The following FANCA variants were observed in gnomAD, a reference collection of about 807,000 sequenced individuals.
FANCA encodes the protein Fanconi anemia group A protein.
In FANCA, 236 loss-of-function variants were observed where a neutral mutation model predicts 194.3. That is an observed-to-expected ratio of 1.21 (90% CI 1.09 to 1.35). The LOEUF is 1.35. FANCA is among the 40% of genes most tolerant of loss of function. The probability of loss-of-function intolerance (pLI) is 0.00; values close to 1 mark genes in which losing one functional copy is unlikely to be tolerated. For synonymous variants in FANCA, 1,014 were observed against 715.8 expected (o/e 1.42, Z -6.65); for missense variants, 2,628 against 1,813.9 (o/e 1.45, Z -8.15).
At position 89,738,952 on chromosome 16, in the gene FANCA, G is replaced by C. The variant is rs1235758124; in HGVS notation, c.4190C>G (p.Thr1397Arg). ...KGQGNPVELI[T>R]KARLFLLQLI... ...CTGCAGCAGAAAAAGACGAGCTTTT[G>C]TTATCAGTTCCACGGGGTTGCCCTA... Residue 1397 changes from threonine to arginine, a missense_variant, in exon 42 of 43, where the codon ACA (threonine) becomes AGA (arginine). Coordinates refer to ENST00000389301, the MANE Select transcript of FANCA (RefSeq NM_000135.4). The C allele has an allele frequency of 8.1e-6, 13 of 1,614,260 alleles. No homozygotes were observed. Among genetic ancestry groups the C allele is most frequent in the Non-Finnish European group, 1.0e-5 (12 of 1,180,042 alleles).
chr16:89,797,834 G>A (rs2040300134), intron 10 of FANCA, among the ~76,000 whole-genome samples: 1 of 152,116 alleles, frequency 6.6e-6, no homozygotes, highest in South Asian at 2.1e-4. Context: ...GGCAGAGGTT[G>A]CAGTGAGCAG....
At chr16:89,784,805 C>T (rs1226587370) in intron 15 of FANCA, 49 bp downstream of exon 15, 1 of 1,417,818 alleles carries the variant, frequency 7.1e-7, no homozygotes, top group Non-Finnish European at 1.0e-6. Flanking sequence ...TCAGATGCAG[C>T]AGGTGAGCGA....
intron 30 of FANCA, among the ~76,000 whole-genome samples, chr16:89,754,681 A>C (rs1027032174): frequency 6.6e-6 from 1 of 152,044 alleles, no homozygotes; most frequent in African/African-American, 2.4e-5. Context: ...ACACGATCTT[A>C]TATATACAAA....
chr16:89,764,812 G>A (rs1397992268), intron 28 of FANCA, 78 bp downstream of exon 28: 2 of 1,504,138 alleles, frequency 1.3e-6, no homozygotes, highest in East Asian at 4.6e-5. Context: ...CCTACGTGCT[G>A]CTGTTCTTGC....
intron 31 of FANCA, among the ~76,000 whole-genome samples, chr16:89,750,380 G>A (rs1041768198): frequency 2.6e-5 from 4 of 152,136 alleles, no homozygotes; most frequent in African/African-American, 7.2e-5. Flanking sequence ...CGACTCAGGC[G>A]GCTGAGGCAG....
chr16:89,787,448 G>A (rs565972688), intron 14 of FANCA, among the ~76,000 whole-genome samples: 1 of 152,184 alleles, frequency 6.6e-6, no homozygotes, highest in Admixed American at 6.6e-5. Context: ...GCGTGAACCC[G>A]GGAGGTGGTT....
At chr16:89,777,780 G>C (rs1025228586) in intron 20 of FANCA, among the ~76,000 whole-genome samples, 1 of 152,074 alleles carries the variant, frequency 6.6e-6, no homozygotes, top group Non-Finnish European at 1.5e-5. Flanking sequence ...CTCAAGTTCT[G>C]CAGCATGAGG....
chr16:89,746,505 G>C (rs1167921113), intron 35 of FANCA, 79 bp downstream of exon 35: 4 of 1,114,866 alleles, frequency 3.6e-6, no homozygotes, highest in Non-Finnish European at 5.5e-6. Flanking sequence ...ATGGAGACGT[G>C]CTGCAGAGAT....
At chr16:89,815,034 G>A (rs1009907027) in intron 2 of FANCA, among the ~76,000 whole-genome samples, 3 of 152,080 alleles carry the variant, frequency 2.0e-5, no homozygotes, top group African/African-American at 4.8e-5. Context: ...TCCCTACTGG[G>A]CTATTTTCCT....
chr16:89,792,711 G>A, intron 11 of FANCA, 164 bp from the exon 12 acceptor site: 1 of 617,552 alleles, frequency 1.6e-6, no homozygotes, highest in South Asian at 1.6e-5. Context: ...CAAGACAGCT[G>A]GGCCCGGGGG....
intron 28 of FANCA, among the ~76,000 whole-genome samples, chr16:89,764,169 G>A (rs1301202829): frequency 1.3e-5 from 2 of 152,106 alleles, no homozygotes; most frequent in Admixed American, 6.5e-5. Flanking sequence ...TTGAACCCAG[G>A]AGGCAGAGGC....
intron 36 of FANCA, among the ~76,000 whole-genome samples, chr16:89,744,016 G>A (rs1368874447): frequency 3.3e-5 from 5 of 151,946 alleles, no homozygotes; most frequent in Non-Finnish European, 7.4e-5. Context: ...TCCTGCCTCA[G>A]CCTCCTGAGT....
In FANCA at chr16:89,767,157, G is replaced by A; in HGVS notation, c.2585C>T (p.Pro862Leu). ...SRDTLCSCLSPGLIKKFQFLM... is the reference protein window; with the variant it reads ...SRDTLCSCLSLGLIKKFQFLM... ...TGAACCTACCTTTTTAATAAGGCCTGGAGATAAGCAGCTGCACAAAGTATC... is the reference window on the plus strand; with the variant it reads ...TGAACCTACCTTTTTAATAAGGCCTAGAGATAAGCAGCTGCACAAAGTATC... Residue 862 changes from proline (P) to leucine (L), a missense_variant, in exon 27 of 43, where the codon CCA becomes CTA. Physicochemically the swap from Pro to Leu is moderately conservative, Grantham distance 98. Transcript: ENST00000389301. 2 of 1,611,802 alleles carry A rather than the reference G, an allele frequency of 1.2e-6. No homozygotes were observed. The highest frequency in any genetic ancestry group is 1.7e-6 in the Non-Finnish European group (2 of 1,177,886).
chr16:89,765,084 C>G lies in FANCA; in HGVS notation c.2602-18G>C, dbSNP rs774316884. On this transcript the variant is annotated intron_variant, in intron 27 of 42. Coordinates refer to ENST00000389301, the MANE Select transcript of FANCA (RefSeq NM_000135.4). ...AACTGAAACTGAAACAGAGAGTGAC[C>G]CGGCCGTTTCTTCATTGCGCAAGTT... 4.3e-6 allele frequency: 7 copies of G among 1,613,544 alleles called. No individual in the cohort carries two copies. Among genetic ancestry groups the G allele is most frequent in the Non-Finnish European group, 5.1e-6 (6 of 1,179,710 alleles).
rs752092543 is a variant in FANCA at position 89,784,916 on chromosome 16, G to C, written c.1408C>G (p.Leu470Val). The C allele has an allele frequency of 1.9e-6, 3 of 1,614,060 alleles. No homozygotes were observed. In the African/African-American group the frequency reaches 4.0e-5, roughly 22 times the overall value. The part of the protein sequence containing the change: ...RGYHGCSKKA[L>V]VFLFTFLSEL... ...GACAAGAACGTAAACAGGAAGACCA[G>C]GGCCTTCTTGCTGCAGCCATGGTAG... Residue 470 changes from leucine to valine, a missense_variant, in exon 15 of 43, where the codon CTG becomes GTG. Leu to Val is a conservative substitution (Grantham distance 32, BLOSUM62 1). Transcript: ENST00000389301.
intron 11 of FANCA, 36 bp from the exon 12 acceptor site, chr16:89,792,583 G>A (rs766097555): frequency 3.1e-6 from 5 of 1,592,836 alleles, no homozygotes; most frequent in South Asian, 1.1e-5. Context: ...CTTCAAGTCA[G>A]AGATCAAAAA....
chr16:89,778,419 T>C (rs1330903501), intron 20 of FANCA: 12 of 342,110 alleles, frequency 3.5e-5, no homozygotes, highest in East Asian at 2.1e-4. Context: ...TGAGCCAAGA[T>C]TGTGCAATTG....
rs939114184 is a variant in FANCA, at chr16:89,737,794, C to G, written c.*807G>C. On this transcript the variant is annotated 3_prime_UTR_variant, in exon 43 of 43. Coordinates refer to ENST00000389301, the MANE Select transcript of FANCA (RefSeq NM_000135.4). Reference sequence around the variant, plus strand: ...ATCAGGGGCCTGGACTCACTGGACTCTCCCCTCTCAGAGGTGCGGAACTAT... The same window carrying G: ...ATCAGGGGCCTGGACTCACTGGACTGTCCCCTCTCAGAGGTGCGGAACTAT... 1 of 1,614,168 alleles carries G rather than the reference C, an allele frequency of 6.2e-7. No individual in the cohort carries two copies. The highest frequency in any genetic ancestry group is 1.3e-5 in the African/African-American group (1 of 75,058).
In FANCA at chr16:89,775,832, C is replaced by G; in HGVS notation, c.1827-17G>C. The stretch of plus-strand genomic sequence containing the variant: ...TTATCTGCTCTGGATCACAGGAAAA[C>G]AATACAATTAAGTCAGCTATGGCTT... On this transcript the variant is annotated splice_polypyrimidine_tract_variant and intron_variant, in intron 20 of 42. Transcript: ENST00000389301. 3.2e-6 allele frequency: 5 copies of G among 1,585,074 alleles called. No homozygotes were observed. The highest frequency in any genetic ancestry group is 3.5e-6 in the Non-Finnish European group (4 of 1,156,148).
Sources: allele counts gnomAD v4.1 joint callset (sites outside exome capture counted in the v4.1 genomes callset), GRCh38; gene constraint gnomAD v4.1.1; transcripts MANE v1.5; gene names NCBI Gene and HGNC (gene_info 2026-07-23, HGNC 2026-07-21).